SRSF11: variants seen among roughly 807,000 people sequenced by gnomAD.
SRSF11 encodes serine/arginine-rich splicing factor 11.
In SRSF11, 9 loss-of-function variants were observed where a neutral mutation model predicts 56.0. The ratio of observed to expected loss-of-function variants is 0.16; its 90% CI spans 0.10 to 0.28. The LOEUF (loss-of-function observed/expected upper bound fraction) is 0.28. Among genes scored for constraint, SRSF11 ranks in the 10% least tolerant of loss-of-function variants. The pLI is 1.00. For synonymous variants in SRSF11, 222 were observed against 215.3 expected (o/e 1.03, Z -0.27); for missense variants, 421 against 600.7 (o/e 0.70, Z 3.13).
Position 70,250,597 on chromosome 1 carries a change from C to T in SRSF11, c.1258-11C>T. On this transcript the variant is annotated splice_polypyrimidine_tract_variant and intron_variant, in intron 11 of 11. Coordinates refer to ENST00000370949, the MANE Select transcript of SRSF11 (RefSeq NM_001350605.2). ...TGGAGAAGTTTACTTTTATTATTCTCCTTGGCAAAGCAGGTTACACGGGAT... is the reference window on the plus strand; with the variant it reads ...TGGAGAAGTTTACTTTTATTATTCTTCTTGGCAAAGCAGGTTACACGGGAT... 1.2e-6 allele frequency: 2 copies of T among 1,611,884 alleles called. No homozygotes were observed. Among genetic ancestry groups the T allele is most frequent in the Non-Finnish European group, 1.7e-6 (2 of 1,179,474 alleles).
chr1:70,249,469 G>GAAATTA (rs1677501501), intron 9 of SRSF11: 5 of 152,206 alleles, frequency 3.3e-5, no homozygotes, highest in African/African-American at 1.2e-4. Flanking sequence ...GTTTTCTTGA[G>GAAATTA]GGTAGTAAAG....
chr1:70,228,001 A>G (rs1672182443), intron 1 of SRSF11, among the ~76,000 whole-genome samples: 1 of 152,178 alleles, frequency 6.6e-6, no homozygotes, highest in Admixed American at 6.5e-5. Context: ...CGTTCTCATG[A>G]TATTCATTTG....
intron 8 of SRSF11, 108 bp from the exon 9 acceptor site, chr1:70,246,710 C>T: frequency 1.8e-6 from 1 of 568,566 alleles, no homozygotes; most frequent in South Asian, 3.5e-5. Flanking sequence ...AACATTTATG[C>T]TTTTAAGGAT....
intron 1 of SRSF11, among the ~76,000 whole-genome samples, chr1:70,213,926 C>A (rs1463625824): frequency 6.6e-6 from 1 of 152,150 alleles, no homozygotes. Context: ...GTTTTAAAAG[C>A]ATTCAATTAA....
intron 2 of SRSF11, chr1:70,231,754 G>T (rs374963846): frequency 3.2e-6 from 4 of 1,243,684 alleles, no homozygotes; most frequent in East Asian, 1.1e-4. Context: ...TACAAAATTT[G>T]TATGGTAGGT....
chr1:70,243,471 G>A (rs1676021980), intron 7 of SRSF11, among the ~76,000 whole-genome samples: 1 of 149,900 alleles, frequency 6.7e-6, no homozygotes. Context: ...TCTATATACT[G>A]CATTTAATCT....
upstream of SRSF11, among the ~76,000 whole-genome samples, chr1:70,219,852 C>A (rs1298668340): frequency 6.6e-5 from 10 of 152,312 alleles, no homozygotes; most frequent in African/African-American, 2.4e-4. Context: ...TCTCAATAAC[C>A]TTGTGCTCTA....
Position 70,244,682 on chromosome 1 carries a change from A to G in SRSF11, c.801-2A>G. 1.9e-6 allele frequency: 3 copies of G among 1,613,942 alleles called. No individual in the cohort carries two copies. The highest frequency in any genetic ancestry group is 2.5e-6 in the Non-Finnish European group (3 of 1,179,860). On this transcript the variant is annotated splice_acceptor_variant, in intron 7 of 11. Coordinates refer to ENST00000370949, the MANE Select transcript of SRSF11 (RefSeq NM_001350605.2). LOFTEE classifies it high-confidence loss of function. ...TGTATTGGCTTCCTTTTACACTATT[A>G]GGCGGTCAAGAAGCAGATCGAGACG...
At chr1:70,206,678 G>C (rs1330643798) in intron 1 of SRSF11, among the ~76,000 whole-genome samples, 1 of 152,070 alleles carries the variant, frequency 6.6e-6, no homozygotes, top group Non-Finnish European at 1.5e-5. Flanking sequence ...CTGAGGATTG[G>C]TAGAATAGTT....
Position 70,245,807 on chromosome 1 carries a change from G to C in SRSF11, c.932+992G>C, listed in dbSNP as rs1339885052. 1.3e-5 allele frequency among the ~76,000 whole-genome samples: 2 copies of C among 152,188 alleles called. 1 individual carries two copies. Among genetic ancestry groups the C allele is most frequent in the Non-Finnish European group, 2.9e-5 (2 of 68,020 alleles). On this transcript the variant is annotated intron_variant, in intron 8 of 11. Coordinates refer to ENST00000370949, the MANE Select transcript of SRSF11 (RefSeq NM_001350605.2). ...GCTTTGTTGTTCACACTATGCACTT[G>C]ATCCAGGAGGCAACTGGAATGAGTT...
At chr1:70,232,076 T>G (rs1235113658) in intron 2 of SRSF11, 192 bp from the exon 3 acceptor site, 2 of 1,534,582 alleles carry the variant, frequency 1.3e-6, no homozygotes, top group South Asian at 2.5e-5. Flanking sequence ...GGAAACAAAT[T>G]TTCACACATT....
At chr1:70,232,136 C>T (rs1464603861) in intron 2 of SRSF11, 132 bp from the exon 3 acceptor site, 2 of 1,556,496 alleles carry the variant, frequency 1.3e-6, no homozygotes, top group Non-Finnish European at 1.7e-6. Context: ...AGAAATCAAG[C>T]TTTGTATTTT....
intron 3 of SRSF11, among the ~76,000 whole-genome samples, chr1:70,233,864 A>G (rs1244592951): frequency 6.6e-6 from 1 of 152,186 alleles, no homozygotes; most frequent in Non-Finnish European, 1.5e-5. Flanking sequence ...AACAGGGAAC[A>G]TTTAAGGAAT....
chr1:70,239,451 A>G lies in SRSF11; in HGVS notation c.731A>G (p.Glu244Gly). ...SAAIEPDKKE[E>G]KRRHSRSRSR... Reference sequence around the variant, plus strand: ...CTTTTAAATATAGATAAGAAAGAAGAAAAAAGAAGGCATTCAAGATCAAGA... The same window carrying G: ...CTTTTAAATATAGATAAGAAAGAAGGAAAAAGAAGGCATTCAAGATCAAGA... Residue 244 changes from glutamate (E) to glycine (G), a missense_variant, in exon 7 of 12, where the codon GAA (glutamate) becomes GGA (glycine). Around this residue, in one of 2 missense-constraint regions of SRSF11, gnomAD observed 253 missense variants for 305.8 expected, o/e 0.83. Coordinates refer to ENST00000370949, the MANE Select transcript of SRSF11 (RefSeq NM_001350605.2). The G allele has an allele frequency of 6.2e-7, 1 of 1,604,776 alleles. No homozygotes were observed. Among genetic ancestry groups the G allele is most frequent in the East Asian group, 2.2e-5 (1 of 44,654 alleles).
intron 2 of SRSF11, chr1:70,229,382 TTAAAG>T (rs1441574027): frequency 5.4e-6 from 6 of 1,105,272 alleles, no homozygotes; most frequent in Admixed American, 4.4e-5. Context: ...TTTTAGGCTG[TTAAAG>T]TAATTTGACA....
chr1:70,230,013 A>G (rs1445309482), intron 2 of SRSF11: 1 of 985,274 alleles, frequency 1.0e-6, no homozygotes. Context: ...CAGGATGAAT[A>G]AAATAGAGTA....
intron 1 of SRSF11, among the ~76,000 whole-genome samples, chr1:70,216,266 A>T (rs1165276923): frequency 6.6e-6 from 1 of 151,716 alleles, no homozygotes. Flanking sequence ...AATATCACGC[A>T]CCAGTTAATT....
intron 2 of SRSF11, chr1:70,229,361 C>G: frequency 8.4e-7 from 1 of 1,191,800 alleles, no homozygotes; most frequent in Non-Finnish European, 1.1e-6. Context: ...TACATTTTCT[C>G]TCTTTTTACA....
chr1:70,236,531 C>T (rs562339245), intron 5 of SRSF11, among the ~76,000 whole-genome samples: 1 of 151,802 alleles, frequency 6.6e-6, no homozygotes, highest in Non-Finnish European at 1.5e-5. Context: ...GGGGTTTCAC[C>T]GTGTTAGCCA....
Sources: gnomAD v4.1 joint callset for allele counts (sites outside exome capture counted in the v4.1 genomes callset) on GRCh38, gnomAD v4.1.1 for gene constraint, gnomAD v4.1.1 regional missense constraint, MANE v1.5 for transcripts, NCBI Gene and HGNC (gene_info 2026-07-23, HGNC 2026-07-21) for gene names.